SLC39A11: variants seen among roughly 807,000 people sequenced by gnomAD.
SLC39A11 encodes zinc transporter ZIP11.
SLC39A11 carries 33 observed loss-of-function variants against 36.1 expected under a neutral mutation model. That is an observed-to-expected ratio of 0.91 (90% CI 0.69 to 1.22). The LOEUF (loss-of-function observed/expected upper bound fraction) is 1.22, where lower values mean the gene tolerates loss of function less well. Ranked by LOEUF, SLC39A11 falls within the 50% of genes most tolerant of loss-of-function variation. SLC39A11 has a pLI of 0.00. For synonymous variants in SLC39A11, 166 were observed against 170.3 expected (o/e 0.97, Z 0.20); for missense variants, 432 against 430.3 (o/e 1.00, Z -0.03).
chr17:72,764,261 C>T (rs1215024458), intron 6 of SLC39A11, among the ~76,000 whole-genome samples: 1 of 152,080 alleles, frequency 6.6e-6, no homozygotes, highest in African/African-American at 2.4e-5. Flanking sequence ...GGGAGACAGC[C>T]TGGGGGCTCA....
At chr17:73,033,464 T>C (rs1314071469) in intron 3 of SLC39A11, among the ~76,000 whole-genome samples, 3 of 152,200 alleles carry the variant, frequency 2.0e-5, no homozygotes, top group Non-Finnish European at 2.9e-5. Context: ...TGCATGACTA[T>C]AGTTGCTGGA....
At position 72,782,448 on chromosome 17, in the gene SLC39A11, C is replaced by G. The variant is rs189069809; in HGVS notation, c.602-45729G>C. Among the ~76,000 whole-genome samples, 56 of 152,228 alleles carry G rather than the reference C, an allele frequency of 3.7e-4. 1 individual carries two copies. In the East Asian group the frequency reaches 9.1e-3, roughly 25 times the overall value. ...CGGGAAACTGATTCACTAGCCAAGT[C>G]CCTTGGCACACACTTTCTAGGGACA... On this transcript the variant is annotated intron_variant, in intron 6 of 9. Transcript: ENST00000255559.
chr17:72,823,829 G>T (rs185003906), intron 6 of SLC39A11: 2 of 151,500 alleles, frequency 1.3e-5, no homozygotes, highest in East Asian at 1.9e-4. Flanking sequence ...ACTGGCCACA[G>T]AATTTTCTAG....
chr17:72,982,209 A>G (rs1258335999), intron 4 of SLC39A11, among the ~76,000 whole-genome samples: 2 of 152,202 alleles, frequency 1.3e-5, no homozygotes, highest in Non-Finnish European at 2.9e-5. Context: ...ATTCTCAAAC[A>G]TTGCTGGTAA....
chr17:72,707,486 C>T (rs1283667072), intron 7 of SLC39A11, among the ~76,000 whole-genome samples: 2 of 152,134 alleles, frequency 1.3e-5, no homozygotes, highest in African/African-American at 2.4e-5. Flanking sequence ...GTGGACCTGT[C>T]CCAAGTGAGA....
At chr17:73,083,701 C>A (rs1033598366) in intron 3 of SLC39A11, among the ~76,000 whole-genome samples, 11 of 127,848 alleles carry the variant, frequency 8.6e-5, no homozygotes, top group African/African-American at 3.2e-4. Flanking sequence ...GTTTCTCCAA[C>A]AAATTACTAG....
chr17:73,009,159 C>T (rs867373269), intron 4 of SLC39A11, among the ~76,000 whole-genome samples: 4 of 151,196 alleles, frequency 2.6e-5, no homozygotes, highest in Non-Finnish European at 2.9e-5. Flanking sequence ...GTCAGGAGAT[C>T]GAACCCATCC....
chr17:72,646,137 T>C lies in SLC39A11; in HGVS notation c.*1447A>G, dbSNP rs1781379029. The C allele has an allele frequency of 6.5e-6, 1 of 152,682 alleles. No homozygotes were observed. The highest frequency in any genetic ancestry group is 2.4e-5 in the African/African-American group (1 of 41,478). 9.5% of individuals were successfully genotyped at this position (152,682 alleles called of 1,614,324 possible). On this transcript the variant is annotated 3_prime_UTR_variant, in exon 10 of 10. Transcript: ENST00000255559. Reference sequence around the variant, plus strand: ...TGTCTTCAATTTTGATCATCAGTGCTTCGGAAGAACGTACATAGACCCAGC... The same window carrying C: ...TGTCTTCAATTTTGATCATCAGTGCCTCGGAAGAACGTACATAGACCCAGC...
chr17:73,074,977 T>C (rs531243912), intron 3 of SLC39A11, among the ~76,000 whole-genome samples: 3 of 152,334 alleles, frequency 2.0e-5, no homozygotes, highest in South Asian at 2.1e-4. Flanking sequence ...CAGAGATTCC[T>C]AGTTGGTTCA....
chr17:72,723,252 A>G (rs2073778681), intron 7 of SLC39A11, among the ~76,000 whole-genome samples: 1 of 152,180 alleles, frequency 6.6e-6, no homozygotes, highest in Non-Finnish European at 1.5e-5. Flanking sequence ...CCAGGAGGAC[A>G]GAGTGCTGAA....
At chr17:72,868,317 T>C (rs781097676) in intron 5 of SLC39A11, among the ~76,000 whole-genome samples, 3 of 152,110 alleles carry the variant, frequency 2.0e-5, no homozygotes, top group Non-Finnish European at 4.4e-5. Context: ...ATGAGGTTGG[T>C]ATAACTTTAA....
intron 5 of SLC39A11, among the ~76,000 whole-genome samples, chr17:72,867,799 C>T (rs2080387152): frequency 6.6e-6 from 1 of 151,864 alleles, no homozygotes; most frequent in African/African-American, 2.4e-5. Flanking sequence ...CGCACACACA[C>T]CTATGCACAA....
chr17:72,667,276 T>G (rs1894127808), intron 7 of SLC39A11, among the ~76,000 whole-genome samples: 1 of 152,128 alleles, frequency 6.6e-6, no homozygotes, highest in Non-Finnish European at 1.5e-5. Context: ...GGACACTCTA[T>G]GAGGTGAGAC....
intron 3 of SLC39A11, among the ~76,000 whole-genome samples, chr17:73,064,396 C>G (rs1278742221): frequency 6.6e-6 from 1 of 152,126 alleles, no homozygotes; most frequent in Non-Finnish European, 1.5e-5. Flanking sequence ...ATTAAACAGT[C>G]ATGACTGAAT....
At chr17:73,019,359 T>C (rs771811343) in intron 4 of SLC39A11, among the ~76,000 whole-genome samples, 4 of 152,166 alleles carry the variant, frequency 2.6e-5, no homozygotes, top group Non-Finnish European at 1.5e-5. Context: ...AAAGCAAATA[T>C]AGCAATGTAC....
chr17:73,036,666 C>T (rs1215782810), intron 3 of SLC39A11, among the ~76,000 whole-genome samples: 1 of 152,084 alleles, frequency 6.6e-6, no homozygotes, highest in African/African-American at 2.4e-5. Flanking sequence ...AGGCTGGTCT[C>T]GAACTCCCGA....
rs140383802 is a variant in SLC39A11, at chr17:72,863,897, C to T, written c.431-14093G>A. Among the ~76,000 whole-genome samples the T allele has an allele frequency of 1.1e-4, 17 of 152,346 alleles. No individual in the cohort carries two copies. The East Asian group carries it at 1.5e-3, about 14-fold the overall frequency. On this transcript the variant is annotated intron_variant, in intron 5 of 9. Coordinates refer to ENST00000255559, the MANE Select transcript of SLC39A11 (RefSeq NM_139177.4). ...GCCTCCTTTTTCCCCTTTCCATTCA[C>T]GTCACCAAATGACTTTAACCATCCC... is the stretch of plus-strand genomic sequence containing the variant.
intron 3 of SLC39A11, among the ~76,000 whole-genome samples, chr17:73,034,272 G>C (rs544108698): frequency 1.3e-5 from 2 of 152,324 alleles, no homozygotes; most frequent in Admixed American, 6.5e-5. Flanking sequence ...ACCCAGGCTG[G>C]AGTGCAGTGG....
intron 7 of SLC39A11, among the ~76,000 whole-genome samples, chr17:72,675,976 GC>G (rs979808708): frequency 6.6e-6 from 1 of 151,752 alleles, no homozygotes; most frequent in African/African-American, 2.4e-5. Context: ...ACTGTGCCCG[GC>G]CCAGATATCC....
Sources: allele counts gnomAD v4.1 joint callset (sites outside exome capture counted in the v4.1 genomes callset), GRCh38; gene constraint gnomAD v4.1.1; transcripts MANE v1.5; gene names NCBI Gene and HGNC (gene_info 2026-07-23, HGNC 2026-07-21).